The following CEP112 variants were observed in gnomAD, a reference collection of about 807,000 sequenced individuals.
CEP112 encodes the protein centrosomal protein 112, also known as centrosomal protein of 112 kDa.
Under a neutral mutation model 153.0 loss-of-function variants are expected in CEP112, and 127 were observed. That is an observed-to-expected ratio of 0.83 (90% CI 0.72 to 0.96). The LOEUF (loss-of-function observed/expected upper bound fraction) is 0.96. CEP112 is among the 40% of genes least tolerant of loss of function. The probability of loss-of-function intolerance (pLI) is 0.00; values close to 1 mark genes in which losing one functional copy is unlikely to be tolerated. For synonymous variants in CEP112, 358 were observed against 374.4 expected (o/e 0.96, Z 0.51); for missense variants, 1,089 against 1,101.2 (o/e 0.99, Z 0.16).
At chr17:65,792,978 C>T (rs2054681343) in intron 21 of CEP112, among the ~76,000 whole-genome samples, 1 of 152,012 alleles carries the variant, frequency 6.6e-6, no homozygotes, top group South Asian at 2.1e-4. Context: ...AGCTGGACGC[C>T]TAGTGGGCAC....
intron 21 of CEP112, among the ~76,000 whole-genome samples, chr17:65,831,566 A>C (rs1422068322): frequency 6.6e-6 from 1 of 152,008 alleles, no homozygotes; most frequent in Non-Finnish European, 1.5e-5. Flanking sequence ...CAAAAAAAAA[A>C]AAAAAGAACA....
chr17:66,047,144 T>C (rs961912638), intron 12 of CEP112, among the ~76,000 whole-genome samples: 2 of 152,040 alleles, frequency 1.3e-5, no homozygotes, highest in African/African-American at 4.8e-5. Flanking sequence ...TGAGATGGAG[T>C]CTCCCTCTGT....
At chr17:65,871,484 A>C (rs2146506965) in intron 20 of CEP112, among the ~76,000 whole-genome samples, 1 of 152,188 alleles carries the variant, frequency 6.6e-6, no homozygotes, top group Admixed American at 6.5e-5. Context: ...AAATACAAAA[A>C]ATTAGCCAGG....
At chr17:65,874,836 T>C (rs2058770940) in intron 20 of CEP112, among the ~76,000 whole-genome samples, 1 of 152,088 alleles carries the variant, frequency 6.6e-6, no homozygotes, top group Non-Finnish European at 1.5e-5. Flanking sequence ...TAATGTATTC[T>C]CTATATTGAC....
At chr17:65,920,920 T>C (rs2060702730) in intron 19 of CEP112, among the ~76,000 whole-genome samples, 1 of 152,156 alleles carries the variant, frequency 6.6e-6, no homozygotes, top group East Asian at 1.9e-4. Flanking sequence ...ATAAATGTAA[T>C]CTTCTTAATT....
intron 19 of CEP112, among the ~76,000 whole-genome samples, chr17:65,909,651 C>T (rs573789764): frequency 6.6e-6 from 1 of 152,162 alleles, no homozygotes; most frequent in South Asian, 2.1e-4. Context: ...ATAGGGAAAA[C>T]TGAAAATTGT....
At chr17:66,185,283 C>T (rs1218896129) in intron 1 of CEP112, among the ~76,000 whole-genome samples, 1 of 152,174 alleles carries the variant, frequency 6.6e-6, no homozygotes, top group Non-Finnish European at 1.5e-5. Flanking sequence ...AGTGCAATGG[C>T]ACAATCTTGG....
intron 23 of CEP112, among the ~76,000 whole-genome samples, chr17:65,741,827 A>G (rs1289318739): frequency 6.6e-6 from 1 of 152,140 alleles, no homozygotes; most frequent in Non-Finnish European, 1.5e-5. Context: ...TATGTGAAGC[A>G]AAACAGTTAT....
intron 21 of CEP112, among the ~76,000 whole-genome samples, chr17:65,786,572 C>CTTTTTTTTTT (rs1195368604): frequency 6.7e-4 from 68 of 101,582 alleles, no homozygotes; most frequent in Non-Finnish European, 8.0e-4. Context: ...TTAGCCAATT[C>CTTTTTTTTTT]TTTTTTTTTT....
intron 21 of CEP112, among the ~76,000 whole-genome samples, chr17:65,782,723 C>A (rs1440273058): frequency 6.6e-6 from 1 of 152,060 alleles, no homozygotes; most frequent in Non-Finnish European, 1.5e-5. Flanking sequence ...TTAGCCCAAG[C>A]AAATACCACA....
intron 8 of CEP112, among the ~76,000 whole-genome samples, chr17:66,079,410 C>A (rs1224092782): frequency 6.6e-6 from 1 of 152,092 alleles, no homozygotes; most frequent in African/African-American, 2.4e-5. Flanking sequence ...ACAGTGCAAA[C>A]AAACCTATTA....
intron 19 of CEP112, among the ~76,000 whole-genome samples, chr17:65,922,521 T>C (rs2060770884): frequency 6.6e-6 from 1 of 152,044 alleles, no homozygotes; most frequent in Non-Finnish European, 1.5e-5. Context: ...ACAAAATAAA[T>C]GCAGATCAGG....
chr17:66,076,608 G>A (rs1362889089), intron 8 of CEP112, among the ~76,000 whole-genome samples: 1 of 152,102 alleles, frequency 6.6e-6, no homozygotes, highest in East Asian at 1.9e-4. Flanking sequence ...CACCTGCTGG[G>A]CCTTCCCTAT....
At chr17:66,068,409 C>T (rs937887757) in intron 9 of CEP112, among the ~76,000 whole-genome samples, 1 of 152,018 alleles carries the variant, frequency 6.6e-6, no homozygotes, top group African/African-American at 2.4e-5. Flanking sequence ...CTGTGAATAG[C>T]CACTGTCCTC....
In CEP112 at chr17:66,053,821, G is replaced by C; in HGVS notation, c.1133C>G (p.Thr378Ser). The change falls in exon 12 of 27, where the codon ACT becomes AGT. Residue 378 changes from threonine to serine, a missense_variant. Thr to Ser is a moderately conservative substitution (Grantham distance 58, BLOSUM62 1). Coordinates refer to ENST00000535342, the MANE Select transcript of CEP112 (RefSeq NM_001199165.4). ...CTCAAGCAATTCTTGAATGTTTTCA[G>C]TGTGTTGCTTTTGAAGATCAAACTT... ...QEKFDLQKQH[T>S]ENIQELLEDT... 6.2e-7 allele frequency: 1 copy of C among 1,612,770 alleles called. No homozygotes were observed. Among genetic ancestry groups the C allele is most frequent in the Non-Finnish European group, 8.5e-7 (1 of 1,179,202 alleles).
At chr17:65,994,318 C>A (rs1374317777) in intron 17 of CEP112, among the ~76,000 whole-genome samples, 3 of 152,106 alleles carry the variant, frequency 2.0e-5, no homozygotes, top group Admixed American at 6.6e-5. Flanking sequence ...CTCAAAACAT[C>A]ATTTGGCTTC....
intron 24 of CEP112, chr17:65,644,296 G>A (rs1460640918): frequency 1.2e-5 from 7 of 571,820 alleles, no homozygotes; most frequent in African/African-American, 1.9e-5. Context: ...GCTGGCACTC[G>A]GCAAGAAGGC....
At chr17:66,088,007 A>G (rs1288742256) in intron 8 of CEP112, among the ~76,000 whole-genome samples, 5 of 150,956 alleles carry the variant, frequency 3.3e-5, no homozygotes, top group Non-Finnish European at 7.4e-5. Context: ...CAGGCTCCAG[A>G]CTGGCCCAGT....
chr17:65,673,846 C>T (rs949943295), intron 24 of CEP112, among the ~76,000 whole-genome samples: 2 of 152,148 alleles, frequency 1.3e-5, no homozygotes, highest in African/African-American at 2.4e-5. Context: ...ATCTAACTAA[C>T]AAATGATTAA....
Sources: allele counts gnomAD v4.1 joint callset (sites outside exome capture counted in the v4.1 genomes callset), GRCh38; gene constraint gnomAD v4.1.1; transcripts MANE v1.5; gene names NCBI Gene and HGNC (gene_info 2026-07-23, HGNC 2026-07-21).